Variants in ACVR2A observed in about 807,000 individuals in gnomAD.
ACVR2A encodes activin receptor type-2A.
ACVR2A carries 7 observed loss-of-function variants against 61.4 expected under a neutral mutation model. The observed-to-expected ratio is 0.11, with a 90% CI of 0.06 to 0.21. The LOEUF (loss-of-function observed/expected upper bound fraction) is 0.21, where lower values mean the gene tolerates loss of function less well. Ranked by LOEUF, ACVR2A falls within the 10% of genes least tolerant of loss-of-function variation. The pLI, the probability that ACVR2A is intolerant of heterozygous loss-of-function variation, is 1.00. For missense variants in ACVR2A, 322 were observed against 621.7 expected, an observed-to-expected ratio of 0.52 and a Z score of 5.13; for synonymous variants, 193 against 208.3, an observed-to-expected ratio of 0.93 and a Z score of 0.63.
intron 1 of ACVR2A, among the ~76,000 whole-genome samples, chr2:147,857,653 G>A (rs1685618000): frequency 6.6e-6 from 1 of 151,952 alleles, no homozygotes; most frequent in Non-Finnish European, 1.5e-5. Context: ...CATTCTGCCA[G>A]GAGAAAACCT....
chr2:147,847,313 T>C (rs536550775), intron 1 of ACVR2A, among the ~76,000 whole-genome samples: 2 of 152,298 alleles, frequency 1.3e-5, no homozygotes, highest in African/African-American at 4.8e-5. Flanking sequence ...ATTTGAGTAC[T>C]TAAAATGTCT....
chr2:147,866,864 T>G (rs1298110417), intron 1 of ACVR2A, among the ~76,000 whole-genome samples: 1 of 152,138 alleles, frequency 6.6e-6, no homozygotes, highest in Non-Finnish European at 1.5e-5. Flanking sequence ...GATTTGAGTA[T>G]TCAGCCAATA....
intron 1 of ACVR2A, among the ~76,000 whole-genome samples, chr2:147,871,009 A>G (rs866053669): frequency 3.9e-5 from 6 of 152,118 alleles, no homozygotes; most frequent in Middle Eastern, 3.4e-3. Flanking sequence ...AATTTTTGAT[A>G]TGTTTGATAT....
intron 1 of ACVR2A, among the ~76,000 whole-genome samples, chr2:147,879,508 A>T (rs1424942): frequency 0.86 from 131,039 of 152,206 alleles, 57,759 homozygotes; most frequent in East Asian, 1. Context: ...CTCAATGTTT[A>T]AGTCCACTCC....
chr2:147,899,564 C>T lies in ACVR2A; in HGVS notation c.370C>T (p.Gln124Ter). 6.2e-7 allele frequency: 1 copy of T among 1,611,412 alleles called. No homozygotes were observed. Among genetic ancestry groups the T allele is most frequent in the Non-Finnish European group, 8.5e-7 (1 of 1,178,134 alleles). ...FSYFPEMEVT[Q>*]PTSNPVTPKP... ...TTATTTTCCGGAGATGGAAGTCACA[C>T]AGCGTAAGTTCACAGGGAAAATACG... The change falls in exon 3 of 11, where the codon CAG (glutamine) becomes TAG (stop). Residue 124 changes from glutamine (Q) to a stop codon, truncating the protein, a stop_gained. Coordinates refer to ENST00000241416, the MANE Select transcript of ACVR2A (RefSeq NM_001616.5). LOFTEE classifies it high-confidence loss of function.
intron 9 of ACVR2A, among the ~76,000 whole-genome samples, chr2:147,925,510 G>C (rs1323648437): frequency 1.3e-5 from 2 of 151,846 alleles, no homozygotes; most frequent in African/African-American, 4.8e-5. Context: ...TGTACTTTTT[G>C]GCAGCTGTTG....
intron 4 of ACVR2A, among the ~76,000 whole-genome samples, chr2:147,910,313 C>T (rs1687084005): frequency 6.6e-6 from 1 of 152,090 alleles, no homozygotes; most frequent in Non-Finnish European, 1.5e-5. Context: ...ATAGTGTCAT[C>T]TTTATCTCTG....
chr2:147,864,153 A>C (rs1685794578), intron 1 of ACVR2A, among the ~76,000 whole-genome samples: 1 of 152,144 alleles, frequency 6.6e-6, no homozygotes, highest in African/African-American at 2.4e-5. Context: ...TCTTCACATT[A>C]TTTTTAAGAC....
intron 9 of ACVR2A, chr2:147,925,671 A>C (rs924496464): frequency 4.8e-5 from 8 of 165,226 alleles, no homozygotes; most frequent in African/African-American, 1.9e-4. Context: ...TAACATTCTG[A>C]TCTGAATTGT....
At chr2:147,923,206 GTT>G in intron 9 of ACVR2A, 95 bp downstream of exon 9, 2 of 1,346,548 alleles carry the variant, frequency 1.5e-6, no homozygotes, top group Non-Finnish European at 2.0e-6. Flanking sequence ...TTAAAGTACA[GTT>G]TTTTTTTAAT....
At chr2:147,873,731 T>C (rs958671220) in intron 1 of ACVR2A, among the ~76,000 whole-genome samples, 5 of 151,950 alleles carry the variant, frequency 3.3e-5, no homozygotes, top group African/African-American at 1.2e-4. Context: ...TGGCAGAGAT[T>C]CAATAGAAAA....
At chr2:147,904,633 C>G (rs10497025) in intron 4 of ACVR2A, among the ~76,000 whole-genome samples, 27,130 of 151,834 alleles carry the variant, frequency 0.18, 3,168 homozygotes, top group Middle Eastern at 0.31. Context: ...CAAAATAATC[C>G]TTTTGACCTT....
chr2:147,922,886 C>A, intron 8 of ACVR2A, 87 bp from the exon 9 acceptor site: 2 of 1,412,326 alleles, frequency 1.4e-6, no homozygotes, highest in Non-Finnish European at 2.0e-6. Context: ...TAATAGACCA[C>A]ATTTGGTTTT....
chr2:147,899,608 G>A, intron 3 of ACVR2A, 41 bp downstream of exon 3: 1 of 1,593,166 alleles, frequency 6.3e-7, no homozygotes. Flanking sequence ...CTCAACTGTA[G>A]ATTGGAAACA....
At position 147,911,540 on chromosome 2, in the gene ACVR2A, G is replaced by A. The variant is rs144568930; in HGVS notation, c.529-3651G>A. On this transcript the variant is annotated intron_variant, in intron 4 of 10. Coordinates refer to ENST00000241416, the MANE Select transcript of ACVR2A (RefSeq NM_001616.5). The stretch of plus-strand genomic sequence containing the variant: ...GCCTGTGTTTTTTCTTCACAAGCAC[G>A]CCTTTCATATAATGATAGAGGTAAG... Among the ~76,000 whole-genome samples, 736 of 152,044 alleles carry A rather than the reference G, an allele frequency of 4.8e-3. 4 individuals are homozygous for A. Among genetic ancestry groups the A allele is most frequent in the Non-Finnish European group, 7.0e-3 (473 of 67,892 alleles).
At position 147,857,550 on chromosome 2, in the gene ACVR2A, A is replaced by C. The variant is rs908468622; in HGVS notation, c.55+12343A>C. Among the ~76,000 whole-genome samples, 4 of 151,500 alleles carry C rather than the reference A, an allele frequency of 2.6e-5. No homozygotes were observed. In the East Asian group the frequency reaches 5.8e-4, roughly 22 times the overall value. On this transcript the variant is annotated intron_variant, in intron 1 of 10. Transcript: ENST00000241416. Reference sequence around the variant, plus strand: ...TTTTCTTTAAAAAAAAAAAAAAAAAAACAAAAAAACCCCTAACACTTGCTT... The same window carrying C: ...TTTTCTTTAAAAAAAAAAAAAAAAACACAAAAAAACCCCTAACACTTGCTT...
chr2:147,880,772 A>G (rs1686279956), intron 1 of ACVR2A, among the ~76,000 whole-genome samples: 1 of 152,232 alleles, frequency 6.6e-6, no homozygotes, highest in Admixed American at 6.5e-5. Context: ...GCCTGCAACT[A>G]GTATGACAGC....
At chr2:147,909,332 C>T (rs1182184749) in intron 4 of ACVR2A, among the ~76,000 whole-genome samples, 2 of 152,112 alleles carry the variant, frequency 1.3e-5, no homozygotes, top group African/African-American at 4.8e-5. Flanking sequence ...TCATGAGAGC[C>T]TGGCTAGTCA....
At chr2:147,917,086 G>C (rs1209387361) in intron 5 of ACVR2A, among the ~76,000 whole-genome samples, 197 bp from the exon 6 acceptor site, 2 of 151,922 alleles carry the variant, frequency 1.3e-5, no homozygotes, top group Admixed American at 1.3e-4. Context: ...TTGAGGGAAT[G>C]AAAAGGGCAG....
Sources: gnomAD v4.1 joint callset for allele counts (sites outside exome capture counted in the v4.1 genomes callset) on GRCh38, gnomAD v4.1.1 for gene constraint, MANE v1.5 for transcripts, NCBI Gene and HGNC (gene_info 2026-07-23, HGNC 2026-07-21) for gene names.